Variants in LMF1 observed in about 807,000 individuals in gnomAD.
The protein encoded by LMF1 is transmembrane protein 112.
Under a neutral mutation model 60.6 loss-of-function variants are expected in LMF1, and 68 were observed. That is an observed-to-expected ratio of 1.12 (90% CI 0.92 to 1.37). LMF1 has a LOEUF of 1.37. Ranked by LOEUF, LMF1 falls within the 40% of genes most tolerant of loss-of-function variation. LMF1 has a pLI of 0.00. For missense variants in LMF1, 948 were observed against 767.2 expected (o/e 1.24, Z -2.78); for synonymous variants, 418 against 324.7 (o/e 1.29, Z -3.09).
chr16:870,930 G>A, intron 7 of LMF1, 48 bp from the exon 8 acceptor site: 1 of 1,551,776 alleles, frequency 6.4e-7, no homozygotes, highest in Non-Finnish European at 8.7e-7. Context: ...GCTGCCCCGT[G>A]GCCTGTCCCT....
At chr16:865,960 A>G (rs950150496) in intron 10 of LMF1, among the ~76,000 whole-genome samples, 1 of 152,110 alleles carries the variant, frequency 6.6e-6, no homozygotes, top group East Asian at 1.9e-4. Flanking sequence ...TTTCACTTCT[A>G]AACTTTTCAT....
rs531224571 is a variant in LMF1, at chr16:909,398, C to T, written c.663+1533G>A. ...TGGGCCCAGACAGCCCCTCACAGTG[C>T]ACCAAAGCACACTAAACACTACACC... is the stretch of plus-strand genomic sequence containing the variant. On this transcript the variant is annotated intron_variant, in intron 4 of 10. Coordinates refer to ENST00000262301, the MANE Select transcript of LMF1 (RefSeq NM_022773.4). Among the ~76,000 whole-genome samples the T allele has an allele frequency of 3.2e-4, 48 of 152,318 alleles. No individual in the cohort carries two copies. The South Asian group carries it at 7.7e-3, about 24-fold the overall frequency.
chr16:969,417 A>G (rs1225125369), intron 1 of LMF1, among the ~76,000 whole-genome samples: 1 of 152,258 alleles, frequency 6.6e-6, no homozygotes, highest in African/African-American at 2.4e-5. Flanking sequence ...GAAACCTTGT[A>G]GTGATGAGCG....
chr16:895,082 C>T (rs1209162795), intron 4 of LMF1, among the ~76,000 whole-genome samples: 2 of 152,288 alleles, frequency 1.3e-5, no homozygotes, highest in East Asian at 1.9e-4. Context: ...GCCCCTGGAA[C>T]GCAGGGTCCC....
At chr16:923,899 T>A (rs1261033021) in intron 3 of LMF1, among the ~76,000 whole-genome samples, 1 of 152,088 alleles carries the variant, frequency 6.6e-6, no homozygotes, top group Non-Finnish European at 1.5e-5. Flanking sequence ...AAAACAACAG[T>A]ATTGGAAAGG....
chr16:939,831 G>A (rs1178555692), intron 2 of LMF1, among the ~76,000 whole-genome samples: 1 of 152,234 alleles, frequency 6.6e-6, no homozygotes, highest in African/African-American at 2.4e-5. Context: ...TGCGCAGTCT[G>A]AGCCCACCTT....
intron 6 of LMF1, among the ~76,000 whole-genome samples, chr16:879,296 C>T (rs906980873): frequency 8.5e-5 from 13 of 152,204 alleles, no homozygotes; most frequent in Non-Finnish European, 1.5e-4. Flanking sequence ...CACTGCCGAG[C>T]CCAGGACATG....
rs1289641483 is a variant in LMF1, at chr16:949,079, C to T, written c.503+5278G>A. ...CAGAGCCAACGACAGAGTCAGCCAACGACAGAGTCAGAGACAATGACAGAG... is the reference window on the plus strand; with the variant it reads ...CAGAGCCAACGACAGAGTCAGCCAATGACAGAGTCAGAGACAATGACAGAG... On this transcript the variant is annotated intron_variant, in intron 2 of 10. Transcript: ENST00000262301. 5.8e-4 allele frequency among the ~76,000 whole-genome samples: 79 copies of T among 136,336 alleles called. 1 individual carries two copies. Among genetic ancestry groups the T allele is most frequent in the Non-Finnish European group, 9.3e-4 (61 of 65,422 alleles). The allele number at this position is 136,336 out of a possible 152,430, so 89.4% of individuals were successfully genotyped here. A position where few individuals can be genotyped will look rare whatever the true frequency, so the allele number is the denominator to read the frequency against.
intron 1 of LMF1, chr16:964,257 C>T (rs1010353256): frequency 3.3e-6 from 1 of 299,884 alleles, no homozygotes; most frequent in Non-Finnish European, 7.1e-6. Context: ...GATTGCACCA[C>T]TGCACTGCAG....
Position 869,048 on chromosome 16 carries a change from C to T in LMF1, c.1425G>A (p.Glu475=), listed in dbSNP as rs770446199. 1.9e-6 allele frequency: 3 copies of T among 1,610,732 alleles called. No individual in the cohort carries two copies. Among genetic ancestry groups the T allele is most frequent in the South Asian group, 1.1e-5 (1 of 91,044 alleles). Residue 475 remains glutamate, a synonymous_variant, in exon 10 of 11, where the codon GAG becomes GAA. Coordinates refer to ENST00000262301, the MANE Select transcript of LMF1 (RefSeq NM_022773.4). ...LMWFAAFQTY[E]HNDWIIHLAG... ...CCAGGTGGATGATCCAGTCGTTGTG[C>T]TCGTAGGTCTGGGAGGAGAGGTCGG...
At chr16:939,999 A>G (rs2151793990) in intron 2 of LMF1, among the ~76,000 whole-genome samples, 1 of 152,262 alleles carries the variant, frequency 6.6e-6, no homozygotes, top group South Asian at 2.1e-4. Context: ...CTATGTGATC[A>G]CAGACGTCCT....
chr16:969,278 G>C (rs866815140), intron 1 of LMF1, among the ~76,000 whole-genome samples: 2 of 152,152 alleles, frequency 1.3e-5, no homozygotes, highest in Admixed American at 1.3e-4. Context: ...TGGTGCCGTT[G>C]CGCTCCAGCC....
chr16:858,414 G>A (rs1186744837), intron 10 of LMF1, among the ~76,000 whole-genome samples: 2 of 51,510 alleles, frequency 3.9e-5, no homozygotes, highest in Non-Finnish European at 3.5e-5. Context: ...GTGGTGTCAC[G>A]GGACGGGTGT....
intron 10 of LMF1, among the ~76,000 whole-genome samples, chr16:856,239 T>C (rs903408893): frequency 3.9e-5 from 6 of 151,906 alleles, no homozygotes; most frequent in Non-Finnish European, 7.4e-5. Flanking sequence ...GAGGCTGCCA[T>C]GGTTTTCCTT....
At chr16:928,200 G>GC (rs2071667144) in intron 3 of LMF1, among the ~76,000 whole-genome samples, 2 of 152,124 alleles carry the variant, frequency 1.3e-5, no homozygotes, top group Non-Finnish European at 2.9e-5. Context: ...ACGTGGATGG[G>GC]CCCCCCCAGC....
At chr16:979,661 C>T (rs1347130426) in intron 1 of LMF1, 1 of 454,124 alleles carries the variant, frequency 2.2e-6, no homozygotes, top group Non-Finnish European at 4.4e-6. Flanking sequence ...GGCCACCCTG[C>T]CTGCTCGCAG....
chr16:954,318 C>T (rs1392436644), intron 2 of LMF1, 39 bp downstream of exon 2: 1 of 1,591,224 alleles, frequency 6.3e-7, no homozygotes, highest in African/African-American at 1.3e-5. Flanking sequence ...TGAGTGACAG[C>T]AAGCCCTAAG....
At chr16:931,258 T>C (rs1400898003) in intron 3 of LMF1, among the ~76,000 whole-genome samples, 1 of 152,232 alleles carries the variant, frequency 6.6e-6, no homozygotes, top group Non-Finnish European at 1.5e-5. Context: ...TAGAAACACA[T>C]GTGCCCAGTG....
At chr16:899,124 G>A (rs2070740142) in intron 4 of LMF1, 2 of 152,266 alleles carry the variant, frequency 1.3e-5, no homozygotes, top group South Asian at 2.1e-4. Context: ...GCTGTGCGGG[G>A]ATCTGAGACA....
Sources: allele counts gnomAD v4.1 joint callset (sites outside exome capture counted in the v4.1 genomes callset), GRCh38; gene constraint gnomAD v4.1.1; transcripts MANE v1.5; gene names NCBI Gene and HGNC (gene_info 2026-07-23, HGNC 2026-07-21).